The following COMMD1 variants were observed in gnomAD, a reference collection of about 807,000 sequenced individuals.
COMMD1 encodes copper metabolism domain containing 1.
Under a neutral mutation model 17.2 loss-of-function variants are expected in COMMD1, and 10 were observed. The observed-to-expected ratio is 0.58, with a 90% CI of 0.36 to 0.99. The LOEUF (loss-of-function observed/expected upper bound fraction) is 0.99, where lower values mean the gene tolerates loss of function less well. Among genes scored for constraint, COMMD1 ranks in the 50% least tolerant of loss-of-function variants. The pLI is 0.01. For missense variants in COMMD1, 270 were observed against 231.8 expected, an observed-to-expected ratio of 1.17 and a Z score of -1.07; for synonymous variants, 97 against 91.6, an observed-to-expected ratio of 1.06 and a Z score of -0.34.
At chr2:61,931,556 T>A (rs1303470275) in intron 1 of COMMD1, among the ~76,000 whole-genome samples, 3 of 152,250 alleles carry the variant, frequency 2.0e-5, no homozygotes, top group African/African-American at 7.2e-5. Context: ...TTGCTGCTTT[T>A]ATGATCCTCC....
chr2:61,938,883 G>A (rs1013599836), intron 1 of COMMD1, among the ~76,000 whole-genome samples: 1 of 152,164 alleles, frequency 6.6e-6, no homozygotes, highest in Middle Eastern at 3.4e-3. Flanking sequence ...AACAGAAAAA[G>A]GAACCTCTTC....
At chr2:61,922,462 C>T (rs13391059) in intron 1 of COMMD1, among the ~76,000 whole-genome samples, 16,836 of 152,052 alleles carry the variant, frequency 0.11, 2,167 homozygotes, top group African/African-American at 0.31. Context: ...GGATTATAGG[C>T]GTGAGCTACT....
At chr2:62,006,586 A>G (rs1430804697) in intron 2 of COMMD1, among the ~76,000 whole-genome samples, 1 of 152,198 alleles carries the variant, frequency 6.6e-6, no homozygotes, top group Non-Finnish European at 1.5e-5. Context: ...ATAAAACATG[A>G]TTCAATTGTA....
In COMMD1 at chr2:62,092,953, G is replaced by A. The variant is rs760650707; in HGVS notation, c.463-42878G>A. Among the ~76,000 whole-genome samples the A allele has an allele frequency of 1.2e-4, 19 of 152,300 alleles. 1 individual carries two copies. Among genetic ancestry groups the A allele is most frequent in the South Asian group, 4.1e-4 (2 of 4,830 alleles). ...TGAGTTTTTATTGTGCTATTTGTCC[G>A]TTCCACCAACCCAGAGGATTGGGGA... On this transcript the variant is annotated intron_variant, in intron 2 of 2. Transcript: ENST00000311832.
intron 1 of COMMD1, among the ~76,000 whole-genome samples, chr2:62,000,048 G>A (rs893758140): frequency 2.7e-5 from 4 of 149,934 alleles, no homozygotes; most frequent in Admixed American, 2.0e-4. Flanking sequence ...TCAGCCTCCC[G>A]AGTAGCTGGG....
At chr2:62,091,479 T>A (rs1194088303) in intron 2 of COMMD1, among the ~76,000 whole-genome samples, 1 of 152,232 alleles carries the variant, frequency 6.6e-6, no homozygotes, top group Non-Finnish European at 1.5e-5. Flanking sequence ...ACAATTTGGA[T>A]AAATGGAGTC....
Position 62,071,783 on chromosome 2 carries a change from A to G in COMMD1, c.463-64048A>G, listed in dbSNP as rs373306717. Among the ~76,000 whole-genome samples, 14 of 152,318 alleles carry G rather than the reference A, an allele frequency of 9.2e-5. No individual in the cohort carries two copies. In the East Asian group the frequency reaches 2.5e-3, roughly 27 times the overall value. ...CACCTGAAAAACTAAATTCCCAGCC[A>G]TGATAGGAAGGAAGGTTGAACACAC... On this transcript the variant is annotated intron_variant, in intron 2 of 2. Coordinates refer to ENST00000311832, the MANE Select transcript of COMMD1 (RefSeq NM_152516.4).
Position 61,997,655 on chromosome 2 carries a change from TTTG to T in COMMD1, c.181-3040_181-3038del, listed in dbSNP as rs373492931. Among the ~76,000 whole-genome samples the T allele has an allele frequency of 1.4e-4, 21 of 152,344 alleles. No individual in the cohort carries two copies. In the East Asian group the frequency reaches 4.0e-3, roughly 29 times the overall value. ...CTGTAAACAGATATGCTGTTTAGGCTTTGTTGTTCCATTTATAGAGCACGGGCA... is the reference window on the plus strand; with the variant it reads ...CTGTAAACAGATATGCTGTTTAGGCTTTGTTCCATTTATAGAGCACGGGCA... On this transcript the variant is annotated intron_variant, in intron 1 of 2. Transcript: ENST00000311832.
At chr2:61,899,402 C>T (rs1223680074) in intron 1 of COMMD1, among the ~76,000 whole-genome samples, 1 of 152,162 alleles carries the variant, frequency 6.6e-6, no homozygotes, top group Non-Finnish European at 1.5e-5. Flanking sequence ...TGTCTTTGTT[C>T]ATCCTAATAT....
intron 2 of COMMD1, among the ~76,000 whole-genome samples, chr2:62,060,303 C>A (rs958725839): frequency 1.3e-5 from 2 of 152,006 alleles, no homozygotes; most frequent in Non-Finnish European, 2.9e-5. Context: ...TGCATTCTAG[C>A]CTGGGTGACA....
intron 2 of COMMD1, among the ~76,000 whole-genome samples, chr2:62,111,461 G>T (rs965545174): frequency 1.3e-5 from 2 of 152,150 alleles, no homozygotes; most frequent in Non-Finnish European, 2.9e-5. Context: ...ATAGACTGAG[G>T]GGGGAAGCCC....
chr2:61,923,223 G>A (rs1227089780), intron 1 of COMMD1, among the ~76,000 whole-genome samples: 2 of 151,684 alleles, frequency 1.3e-5, no homozygotes, highest in African/African-American at 4.8e-5. Flanking sequence ...CATTAGATTA[G>A]GTGTAGTCAT....
At chr2:62,067,409 CTT>C (rs1271488349) in intron 2 of COMMD1, among the ~76,000 whole-genome samples, 1 of 152,188 alleles carries the variant, frequency 6.6e-6, no homozygotes, top group East Asian at 1.9e-4. Context: ...CTTTAACACT[CTT>C]TTGTTGTTAG....
At chr2:61,971,348 C>T (rs1671646830) in intron 1 of COMMD1, among the ~76,000 whole-genome samples, 1 of 151,958 alleles carries the variant, frequency 6.6e-6, no homozygotes, top group Non-Finnish European at 1.5e-5. Flanking sequence ...GTTGGCTAAA[C>T]GTTTGATTTT....
chr2:62,128,519 A>G lies in COMMD1; in HGVS notation c.463-7312A>G, dbSNP rs558633057. Among the ~76,000 whole-genome samples, 3 of 152,282 alleles carry G rather than the reference A, an allele frequency of 2.0e-5. No individual in the cohort carries two copies. The South Asian group carries it at 6.2e-4, about 32-fold the overall frequency. The stretch of plus-strand genomic sequence containing the variant: ...AAAAATTGACAAACGGGATCTAATT[A>G]AAGAGCAAATTCTTAATGAAATCTC... On this transcript the variant is annotated intron_variant, in intron 2 of 2. Transcript: ENST00000311832.
chr2:61,998,917 C>T (rs1371065650), intron 1 of COMMD1, among the ~76,000 whole-genome samples: 3 of 152,160 alleles, frequency 2.0e-5, no homozygotes, highest in Non-Finnish European at 4.4e-5. Flanking sequence ...TATCTGTCTT[C>T]TATGGGCATG....
At chr2:61,919,971 T>A (rs1012246008) in intron 1 of COMMD1, among the ~76,000 whole-genome samples, 7 of 151,518 alleles carry the variant, frequency 4.6e-5, no homozygotes, top group African/African-American at 1.7e-4. Flanking sequence ...TACAAAAAAA[T>A]AAAAAAAATC....
rs538197176 is a variant in COMMD1 at position 61,933,083 on chromosome 2, A to G, written c.180+27225A>G. Among the ~76,000 whole-genome samples the G allele has an allele frequency of 1.1e-4, 16 of 151,914 alleles. No individual in the cohort carries two copies. The South Asian group carries it at 3.3e-3, about 32-fold the overall frequency. On this transcript the variant is annotated intron_variant, in intron 1 of 2. Transcript: ENST00000311832. ...AGTGGGATGGGGAGTTGGAAAGGGGATTGTGTGGGAAGAAGGTGATGTTTC... is the reference window on the plus strand; with the variant it reads ...AGTGGGATGGGGAGTTGGAAAGGGGGTTGTGTGGGAAGAAGGTGATGTTTC...
chr2:62,103,910 G>A (rs1573190599), intron 2 of COMMD1, among the ~76,000 whole-genome samples: 2 of 151,852 alleles, frequency 1.3e-5, no homozygotes, highest in South Asian at 2.1e-4. Flanking sequence ...GCATGATCTC[G>A]GCTTACTGCG....
Sources: allele counts gnomAD v4.1 joint callset (sites outside exome capture counted in the v4.1 genomes callset), GRCh38; gene constraint gnomAD v4.1.1; transcripts MANE v1.5; gene names NCBI Gene and HGNC (gene_info 2026-07-23, HGNC 2026-07-21).